Variants in CTNND2 observed in about 807,000 individuals in gnomAD.
CTNND2 encodes the protein catenin delta-2.
In CTNND2, 22 loss-of-function variants were observed where a neutral mutation model predicts 144.4. The ratio of observed to expected loss-of-function variants is 0.15; its 90% CI spans 0.11 to 0.22. The LOEUF is 0.22. Ranked by LOEUF, CTNND2 falls within the 10% of genes least tolerant of loss-of-function variation. The pLI, the probability that CTNND2 is intolerant of heterozygous loss-of-function variation, is 1.00. For missense variants in CTNND2, 1,353 were observed against 1,618.8 expected, an observed-to-expected ratio of 0.84 and a Z score of 2.82; for synonymous variants, 751 against 695.6, an observed-to-expected ratio of 1.08 and a Z score of -1.25.
chr5:11,177,376 A>G (rs1225265360), intron 11 of CTNND2, among the ~76,000 whole-genome samples: 7 of 152,198 alleles, frequency 4.6e-5, no homozygotes, highest in African/African-American at 2.4e-5. Flanking sequence ...TATCTACAAC[A>G]TGGTGATACC....
At chr5:11,531,630 A>C (rs1406067890) in intron 3 of CTNND2, among the ~76,000 whole-genome samples, 1 of 152,066 alleles carries the variant, frequency 6.6e-6, no homozygotes, top group Non-Finnish European at 1.5e-5. Context: ...TGTCAAAAAC[A>C]AAACAAAACA....
intron 9 of CTNND2, among the ~76,000 whole-genome samples, chr5:11,327,346 C>A (rs545057726): frequency 7.9e-5 from 12 of 152,202 alleles, no homozygotes; most frequent in Middle Eastern, 3.4e-3. Flanking sequence ...GGATTTGGCA[C>A]GGGCTGGAAA....
At chr5:11,453,746 CT>C (rs774317997) in intron 3 of CTNND2, among the ~76,000 whole-genome samples, 19 of 152,088 alleles carry the variant, frequency 1.2e-4, no homozygotes, top group Non-Finnish European at 2.2e-4. Context: ...AGGCATTTTG[CT>C]TTGCATCAGA....
At chr5:11,425,977 C>T (rs898734447) in intron 3 of CTNND2, among the ~76,000 whole-genome samples, 1 of 152,150 alleles carries the variant, frequency 6.6e-6, no homozygotes, top group African/African-American at 2.4e-5. Context: ...GATGTGGGAT[C>T]CCCTCGGCCT....
chr5:11,463,275 T>C (rs1465126500), intron 3 of CTNND2, among the ~76,000 whole-genome samples: 1 of 152,232 alleles, frequency 6.6e-6, no homozygotes, highest in Non-Finnish European at 1.5e-5. Flanking sequence ...TATTAATCCA[T>C]CCATCCATCT....
intron 17 of CTNND2, among the ~76,000 whole-genome samples, chr5:11,022,119 G>A (rs771469657): frequency 9.2e-5 from 14 of 152,074 alleles, no homozygotes; most frequent in Non-Finnish European, 1.3e-4. Flanking sequence ...CTATCTGCAC[G>A]AAGGCCCTCC....
At chr5:11,183,415 T>TAAGTGATTAC (rs1735302383) in intron 11 of CTNND2, among the ~76,000 whole-genome samples, 1 of 152,186 alleles carries the variant, frequency 6.6e-6, no homozygotes, top group Non-Finnish European at 1.5e-5. Context: ...TGGCTGTGCA[T>TAAGTGATTAC]AAGTGATTAC....
intron 2 of CTNND2, among the ~76,000 whole-genome samples, chr5:11,582,230 AG>A (rs1778493121): frequency 6.6e-6 from 1 of 152,236 alleles, no homozygotes; most frequent in African/African-American, 2.4e-5. Context: ...TTAATTTTGC[AG>A]TTATGGAAAC....
rs148632062 is a variant in CTNND2 at position 11,495,181 on chromosome 5, G to T, written c.287+69763C>A. On this transcript the variant is annotated intron_variant, in intron 3 of 21. Transcript: ENST00000304623. ...GTGTGCTTCATGATTTTTAACAACT[G>T]TATTTAACTGACTCTGACTTGAAAT... Among the ~76,000 whole-genome samples, 537 of 152,230 alleles carry T rather than the reference G, an allele frequency of 3.5e-3. 4 individuals are homozygous for T. The highest frequency in any genetic ancestry group is 0.012 in the African/African-American group (502 of 41,536).
intron 3 of CTNND2, among the ~76,000 whole-genome samples, chr5:11,462,633 A>C (rs1766318953): frequency 6.6e-6 from 1 of 152,218 alleles, no homozygotes; most frequent in South Asian, 2.1e-4. Flanking sequence ...AAAGCTAAAA[A>C]GCACAAAAAA....
At chr5:11,841,786 G>A (rs958942841) in intron 1 of CTNND2, among the ~76,000 whole-genome samples, 3 of 151,626 alleles carry the variant, frequency 2.0e-5, no homozygotes, top group African/African-American at 7.3e-5. Context: ...AAGCCTTGAA[G>A]TTCTATGACC....
intron 18 of CTNND2, among the ~76,000 whole-genome samples, chr5:10,995,691 G>C (rs1462575703): frequency 6.6e-6 from 1 of 152,116 alleles, no homozygotes; most frequent in Non-Finnish European, 1.5e-5. Flanking sequence ...TGAATGCAGA[G>C]AAGGAAAAAC....
intron 1 of CTNND2, among the ~76,000 whole-genome samples, chr5:11,812,192 G>A (rs954370998): frequency 5.3e-5 from 8 of 152,136 alleles, no homozygotes; most frequent in East Asian, 1.9e-4. Flanking sequence ...CCTGTTGTGC[G>A]GGGAATATCA....
chr5:10,982,924 C>T (rs927866944), intron 20 of CTNND2, among the ~76,000 whole-genome samples: 6 of 152,190 alleles, frequency 3.9e-5, no homozygotes, highest in South Asian at 4.1e-4. Flanking sequence ...TATGTTCTCA[C>T]GCACATGTGG....
intron 9 of CTNND2, among the ~76,000 whole-genome samples, chr5:11,241,165 C>T (rs891726820): frequency 6.6e-6 from 1 of 151,966 alleles, no homozygotes; most frequent in African/African-American, 2.4e-5. Flanking sequence ...ACACCCAACA[C>T]ACACAGACAC....
intron 2 of CTNND2, among the ~76,000 whole-genome samples, chr5:11,675,550 T>C (rs1000870802): frequency 2.6e-5 from 4 of 152,144 alleles, no homozygotes; most frequent in Admixed American, 2.6e-4. Flanking sequence ...AATTTTTAAC[T>C]CTTTTTAAAT....
intron 20 of CTNND2, among the ~76,000 whole-genome samples, chr5:10,984,769 G>C (rs888766089): frequency 2.0e-5 from 3 of 152,142 alleles, no homozygotes; most frequent in Non-Finnish European, 4.4e-5. Flanking sequence ...TTGAAGACTA[G>C]AACGACTTTC....
chr5:11,537,911 C>T (rs527769549), intron 3 of CTNND2, among the ~76,000 whole-genome samples: 9 of 152,126 alleles, frequency 5.9e-5, no homozygotes, highest in Non-Finnish European at 1.3e-4. Context: ...CTCATAAGTG[C>T]TGCTTTTGTG....
chr5:11,254,410 GAATAATTTAATCATAGGTAGAGC>G (rs149950661), intron 9 of CTNND2, among the ~76,000 whole-genome samples: 32,633 of 152,066 alleles, frequency 0.21, 3,859 homozygotes, highest in Middle Eastern at 0.33. Context: ...GGGCACAAAA[GAATAATTTAATCATAGGTAGAGC>G]AAAGAACATG....
Sources: gnomAD v4.1 joint callset for allele counts (sites outside exome capture counted in the v4.1 genomes callset) on GRCh38, gnomAD v4.1.1 for gene constraint, MANE v1.5 for transcripts, NCBI Gene and HGNC (gene_info 2026-07-23, HGNC 2026-07-21) for gene names.